The following TTC17 variants were observed in gnomAD, a reference collection of about 807,000 sequenced individuals.
TTC17 encodes the protein tetratricopeptide repeat domain 17, also known as tetratricopeptide repeat protein 17.
Under a neutral mutation model 143.8 loss-of-function variants are expected in TTC17, and 58 were observed. The observed-to-expected ratio is 0.40, with a 90% CI of 0.33 to 0.50. The LOEUF is 0.50. Among genes scored for constraint, TTC17 ranks in the 20% least tolerant of loss-of-function variants. The pLI, the probability that TTC17 is intolerant of heterozygous loss-of-function variation, is 0.49. For missense variants in TTC17, 1,273 were observed against 1,392.5 expected, an observed-to-expected ratio of 0.91 and a Z score of 1.37; for synonymous variants, 501 against 497.8, an observed-to-expected ratio of 1.01 and a Z score of -0.09.
intron 5 of TTC17, among the ~76,000 whole-genome samples, chr11:43,392,214 C>G (rs1458456457): frequency 2.6e-5 from 4 of 151,988 alleles, no homozygotes; most frequent in African/African-American, 9.7e-5. Context: ...TAAGCAACAG[C>G]GTTTATAGGC....
At chr11:43,406,007 C>T in intron 13 of TTC17, 56 bp downstream of exon 13, 1 of 1,547,878 alleles carries the variant, frequency 6.5e-7, no homozygotes, top group East Asian at 2.3e-5. Context: ...ACTTCAGAAG[C>T]CTCTTAAATG....
chr11:43,366,013 G>T (rs1332385795), intron 1 of TTC17, among the ~76,000 whole-genome samples: 2 of 146,050 alleles, frequency 1.4e-5, no homozygotes, highest in African/African-American at 5.1e-5. Flanking sequence ...ATGGAGTCTT[G>T]CTCTGTCGCC....
At chr11:43,464,410 T>G (rs910984001) in intron 21 of TTC17, among the ~76,000 whole-genome samples, 11 of 152,188 alleles carry the variant, frequency 7.2e-5, no homozygotes, top group African/African-American at 2.7e-4. Flanking sequence ...GGAATTTCCC[T>G]GTAACTTGGA....
At chr11:43,470,217 C>T (rs1948066553) in intron 21 of TTC17, among the ~76,000 whole-genome samples, 2 of 152,288 alleles carry the variant, frequency 1.3e-5, no homozygotes, top group South Asian at 4.2e-4. Flanking sequence ...CACATTCATG[C>T]CGCTGCAGCA....
intron 5 of TTC17, chr11:43,396,299 A>G (rs1287865625): frequency 1.3e-5 from 2 of 151,850 alleles, no homozygotes; most frequent in African/African-American, 2.4e-5. Context: ...CTCAGATATT[A>G]CATAAATAGA....
At chr11:43,402,652 G>C in intron 10 of TTC17, among the ~76,000 whole-genome samples, 1 of 152,062 alleles carries the variant, frequency 6.6e-6, no homozygotes, top group African/African-American at 2.4e-5. Flanking sequence ...GAGCATTTTG[G>C]ATTTCACATT....
intron 15 of TTC17, among the ~76,000 whole-genome samples, chr11:43,410,440 T>C (rs567921543): frequency 6.6e-6 from 1 of 152,212 alleles, no homozygotes; most frequent in Non-Finnish European, 1.5e-5. Context: ...CTCTCAAATA[T>C]ATAAAGATCT....
intron 15 of TTC17, among the ~76,000 whole-genome samples, chr11:43,408,740 T>G (rs1164154404): frequency 6.6e-6 from 1 of 152,054 alleles, no homozygotes; most frequent in African/African-American, 2.4e-5. Context: ...ACCCCAAAAA[T>G]ATACCTTTTT....
intron 16 of TTC17, among the ~76,000 whole-genome samples, chr11:43,425,379 G>A (rs898757386): frequency 2.0e-5 from 3 of 151,978 alleles, no homozygotes; most frequent in African/African-American, 4.8e-5. Context: ...CCTATTCTAC[G>A]TTGGTAGAGT....
At chr11:43,393,119 A>G (rs1857450353) in intron 5 of TTC17, among the ~76,000 whole-genome samples, 1 of 152,196 alleles carries the variant, frequency 6.6e-6, no homozygotes, top group Non-Finnish European at 1.5e-5. Flanking sequence ...CTAATTCGGT[A>G]GTTCTCCCGA....
intron 10 of TTC17, among the ~76,000 whole-genome samples, chr11:43,403,101 C>T (rs559436883): frequency 6.6e-6 from 1 of 152,226 alleles, no homozygotes; most frequent in South Asian, 2.1e-4. Context: ...GATTCACACC[C>T]TCTGGGATTA....
chr11:43,388,211 A>G (rs1857238714), intron 2 of TTC17, among the ~76,000 whole-genome samples: 1 of 152,214 alleles, frequency 6.6e-6, no homozygotes, highest in African/African-American at 2.4e-5. Context: ...ATAAATACAT[A>G]TTTATACATC....
intron 20 of TTC17, among the ~76,000 whole-genome samples, chr11:43,450,735 C>G (rs1947641893): frequency 6.6e-6 from 1 of 151,916 alleles, no homozygotes; most frequent in African/African-American, 2.4e-5. Flanking sequence ...TTCTTATTGA[C>G]CTGAATAAAT....
chr11:43,444,009 AT>A, intron 17 of TTC17, 46 bp from the exon 18 acceptor site: 5 of 1,549,940 alleles, frequency 3.2e-6, no homozygotes, highest in Non-Finnish European at 4.3e-6. Context: ...TCATTGACAG[AT>A]TTGATCACTG....
At chr11:43,380,681 G>A (rs913929174) in intron 2 of TTC17, among the ~76,000 whole-genome samples, 2 of 152,284 alleles carry the variant, frequency 1.3e-5, no homozygotes, top group Non-Finnish European at 2.9e-5. Context: ...TTATAAATAT[G>A]TACTTTTAAA....
At chr11:43,385,587 T>C (rs1857139318) in intron 2 of TTC17, 2 of 152,026 alleles carry the variant, frequency 1.3e-5, no homozygotes, top group South Asian at 4.1e-4. Flanking sequence ...AAAATGCATT[T>C]ATTAAAATAA....
Position 43,401,472 on chromosome 11 carries a change from A to G in TTC17, c.1246A>G (p.Asn416Asp), listed in dbSNP as rs756572599. Reference protein sequence around the residue: ...LGNHQICRLVNQQHSLHCQWD... With the variant: ...LGNHQICRLVDQQHSLHCQWD... ...AAATCATCAGATATGCCGACTGGTC[A>G]ACCAGCAGCATAGTTTACATTGCCA... Residue 416 changes from asparagine to aspartate, a missense_variant, in exon 10 of 24, where the codon AAC (asparagine) becomes GAC (aspartate). Transcript: ENST00000039989. 6.2e-7 allele frequency: 1 copy of G among 1,612,868 alleles called. No homozygotes were observed. The highest frequency in any genetic ancestry group is 8.5e-7 in the Non-Finnish European group (1 of 1,179,644).
intron 1 of TTC17, among the ~76,000 whole-genome samples, chr11:43,362,519 T>TAC (rs1856160067): frequency 6.6e-6 from 1 of 152,152 alleles, no homozygotes. Flanking sequence ...GCAAGGAGCA[T>TAC]ACATTCCTGC....
At chr11:43,391,408 A>C (rs1565140575) in intron 3 of TTC17, 57 bp from the exon 4 acceptor site, 1 of 1,161,744 alleles carries the variant, frequency 8.6e-7, no homozygotes. Flanking sequence ...CTAAATAAAT[A>C]AATAAAATAT....
Sources: allele counts gnomAD v4.1 joint callset (sites outside exome capture counted in the v4.1 genomes callset), GRCh38; gene constraint gnomAD v4.1.1; transcripts MANE v1.5; gene names NCBI Gene and HGNC (gene_info 2026-07-23, HGNC 2026-07-21).